BMP7: variants seen among roughly 807,000 people sequenced by gnomAD.
The protein encoded by BMP7 is bone morphogenetic protein 7.
BMP7 carries 12 observed loss-of-function variants against 41.2 expected under a neutral mutation model. The ratio of observed to expected loss-of-function variants is 0.29; its 90% CI spans 0.19 to 0.47. The LOEUF is 0.47. Ranked by LOEUF, BMP7 falls within the 20% of genes least tolerant of loss-of-function variation. BMP7 has a pLI of 0.99. For synonymous variants in BMP7, 248 were observed against 250.0 expected (o/e 0.99, Z 0.07); for missense variants, 467 against 606.0 (o/e 0.77, Z 2.41).
Position 57,170,761 on chromosome 20 carries a change from G to T in BMP7, c.*198C>A. 1 of 686,476 alleles carries T rather than the reference G, an allele frequency of 1.5e-6. No homozygotes were observed. The highest frequency in any genetic ancestry group is 2.5e-6 in the Non-Finnish European group (1 of 407,824). 42.5% of individuals were successfully genotyped at this position (686,476 alleles called of 1,614,324 possible). On this transcript the variant is annotated 3_prime_UTR_variant, in exon 7 of 7. Transcript: ENST00000395863. ...TTGCCTGCACAGCTTGTAGGATCTT[G>T]TTCATTGGATGCTGCCACTGAAAAA...
Position 57,202,526 on chromosome 20 carries a change from C to A in BMP7, c.709G>T (p.Val237Phe). The A allele has an allele frequency of 6.2e-7, 1 of 1,610,696 alleles. No homozygotes were observed. Among genetic ancestry groups the A allele is most frequent in the African/African-American group, 1.3e-5 (1 of 74,946 alleles). The change falls in exon 3 of 7, where the codon GTC (valine) becomes TTC (phenylalanine). Residue 237 changes from valine (V) to phenylalanine (F), a missense_variant. By Grantham distance (50) the Val-to-Phe change is conservative (BLOSUM62 -1). Coordinates refer to ENST00000395863, the MANE Select transcript of BMP7 (RefSeq NM_001719.3). ...DITATSNHWVVNPRHNLGLQL... is the reference protein window; with the variant it reads ...DITATSNHWVFNPRHNLGLQL... ...AGGCCCAGGTTGTGCCGCGGATTGA[C>A]CACCCAGTGGTTGCTGGTGGCTGTG...
At chr20:57,250,005 G>C (rs1414754153) in intron 1 of BMP7, among the ~76,000 whole-genome samples, 1 of 152,178 alleles carries the variant, frequency 6.6e-6, no homozygotes, top group Non-Finnish European at 1.5e-5. Flanking sequence ...TGGACCCAAA[G>C]ACAGACAGAC....
chr20:57,256,819 C>T (rs973329009), intron 1 of BMP7, among the ~76,000 whole-genome samples: 17 of 151,854 alleles, frequency 1.1e-4, no homozygotes, highest in South Asian at 4.2e-4. Flanking sequence ...ACCCAGAAGG[C>T]GGAGGTTGCA....
chr20:57,255,965 G>C (rs2066132884), intron 1 of BMP7, among the ~76,000 whole-genome samples: 1 of 152,176 alleles, frequency 6.6e-6, no homozygotes, highest in South Asian at 2.1e-4. Flanking sequence ...CAGGAGCAGA[G>C]TAATGCTTCT....
At chr20:57,236,612 G>A (rs977452164) in intron 1 of BMP7, among the ~76,000 whole-genome samples, 16 of 152,134 alleles carry the variant, frequency 1.1e-4, no homozygotes, top group Admixed American at 9.2e-4. Context: ...GGAAGGGAAG[G>A]ACCAGAGGAC....
chr20:57,255,758 C>T (rs1463381447), intron 1 of BMP7, among the ~76,000 whole-genome samples: 2 of 131,236 alleles, frequency 1.5e-5, no homozygotes, highest in African/African-American at 3.0e-5. Context: ...GGAGATCATG[C>T]CACTACACTC....
chr20:57,247,942 C>T (rs904659707), intron 1 of BMP7, among the ~76,000 whole-genome samples: 3 of 152,132 alleles, frequency 2.0e-5, no homozygotes, highest in Non-Finnish European at 4.4e-5. Context: ...TAAAACAAAG[C>T]TTGTTTTCAG....
At chr20:57,260,126 G>A (rs371628302) in intron 1 of BMP7, among the ~76,000 whole-genome samples, 1 of 152,084 alleles carries the variant, frequency 6.6e-6, no homozygotes, top group Non-Finnish European at 1.5e-5. Flanking sequence ...ATAAAGCACC[G>A]TGCCTTGAGC....
chr20:57,216,249 G>A (rs924467142), intron 2 of BMP7, among the ~76,000 whole-genome samples: 22 of 152,110 alleles, frequency 1.4e-4, no homozygotes, highest in African/African-American at 5.3e-4. Context: ...AAGCCCTCCC[G>A]GCTGCCCTGT....
rs574072714 is a variant in BMP7 at position 57,259,203 on chromosome 20, A to C, written c.418+6502T>G. Among the ~76,000 whole-genome samples, 1 of 152,166 alleles carries C rather than the reference A, an allele frequency of 6.6e-6. No homozygotes were observed. Among genetic ancestry groups the C allele is most frequent in the South Asian group, 2.1e-4 (1 of 4,806 alleles). On this transcript the variant is annotated intron_variant, in intron 1 of 6. Transcript: ENST00000395863. This position sits in a 1 kb window ranked among gnomAD's most constrained non-coding sequence, Gnocchi z 4.7. ...GAGAACTTCCGTTACACGGCAGTGA[A>C]GCCCCCAATCCCCCACCCCATATAT...
In BMP7 at chr20:57,228,116, A is replaced by T; in HGVS notation, c.611+113T>A. On this transcript the variant is annotated intron_variant, in intron 2 of 6. Coordinates refer to ENST00000395863, the MANE Select transcript of BMP7 (RefSeq NM_001719.3). This position sits in a 1 kb window ranked among gnomAD's most constrained non-coding sequence, Gnocchi z 4.5. ...TTCTTTAGAAGGGATAATCTGGTACAGGGCCTGGCACGTGGTTGTGCCAAT... is the reference window on the plus strand; with the variant it reads ...TTCTTTAGAAGGGATAATCTGGTACTGGGCCTGGCACGTGGTTGTGCCAAT... The T allele has an allele frequency of 8.5e-7, 1 of 1,180,760 alleles. No homozygotes were observed. Among genetic ancestry groups the T allele is most frequent in the Non-Finnish European group, 1.3e-6 (1 of 790,294 alleles). 73.1% of individuals were successfully genotyped at this position (1,180,760 alleles called of 1,614,324 possible).
At chr20:57,226,401 C>A (rs2066006298) in intron 2 of BMP7, among the ~76,000 whole-genome samples, 1 of 152,248 alleles carries the variant, frequency 6.6e-6, no homozygotes, top group Non-Finnish European at 1.5e-5. Context: ...GGCCCTCTGA[C>A]CCCACAATTC....
At position 57,205,930 on chromosome 20, in the gene BMP7, C is replaced by T. The variant is rs567165949; in HGVS notation, c.612-3307G>A. Among the ~76,000 whole-genome samples, 9 of 152,242 alleles carry T rather than the reference C, an allele frequency of 5.9e-5. No homozygotes were observed. The South Asian group carries it at 1.0e-3, about 18-fold the overall frequency. Reference sequence around the variant, plus strand: ...ATCTTCATCAGAAGGCACTGGGAGACGGGAGCCTTGCTGAGATGGGTCGAG... The same window carrying T: ...ATCTTCATCAGAAGGCACTGGGAGATGGGAGCCTTGCTGAGATGGGTCGAG... On this transcript the variant is annotated intron_variant, in intron 2 of 6. Coordinates refer to ENST00000395863, the MANE Select transcript of BMP7 (RefSeq NM_001719.3).
chr20:57,183,758 T>C lies in BMP7; in HGVS notation c.922A>G (p.Lys308Glu). Residue 308 changes from lysine to glutamate, a missense_variant, in exon 4 of 7, where the codon AAG (lysine) becomes GAG (glutamate). Lys to Glu is a moderately conservative substitution (Grantham distance 56). Transcript: ENST00000395863. ...QRSQNRSKTP[K>E]NQEALRMANV... ...GCCATCCGCAGGGCTTCCTGGTTCT[T>C]GGGCGTCTTGGAGCGGTTCTGGCTG... 1 of 1,614,220 alleles carries C rather than the reference T, an allele frequency of 6.2e-7. No homozygotes were observed. Among genetic ancestry groups the C allele is most frequent in the Non-Finnish European group, 8.5e-7 (1 of 1,180,046 alleles).
chr20:57,243,315 C>G (rs2066077190), intron 1 of BMP7, among the ~76,000 whole-genome samples: 1 of 151,988 alleles, frequency 6.6e-6, no homozygotes, highest in Non-Finnish European at 1.5e-5. Context: ...CCTGTCTCTA[C>G]TAAAAATACA....
At chr20:57,193,819 G>C (rs952868919) in intron 3 of BMP7, among the ~76,000 whole-genome samples, 4 of 152,202 alleles carry the variant, frequency 2.6e-5, no homozygotes, top group Non-Finnish European at 5.9e-5. Context: ...TTTGCACGCT[G>C]TAGGCGCCCT....
Position 57,183,828 on chromosome 20 carries a change from C to T in BMP7, c.852G>A (p.Thr284=), listed in dbSNP as rs147083949. Residue 284 remains threonine, a synonymous_variant, in exon 4 of 7, where the codon ACG becomes ACA. Transcript: ENST00000395863. ...QPFMVAFFKA[T]EVHFRSIRST... ...ACCGGATGCTGCGGAAGTGGACCTC[C>T]GTGGCCTTGAAGAAAGCCACCATGA... 6.2e-5 allele frequency: 100 copies of T among 1,614,068 alleles called. No homozygotes were observed. Among genetic ancestry groups the T allele is most frequent in the African/African-American group, 2.1e-4 (16 of 74,934 alleles).
intron 1 of BMP7, among the ~76,000 whole-genome samples, chr20:57,241,041 C>T (rs975247450): frequency 7.9e-5 from 12 of 152,174 alleles, no homozygotes; most frequent in African/African-American, 2.9e-4. Flanking sequence ...TATGAAAACC[C>T]CTCTCAGAGG....
Position 57,183,892 on chromosome 20 carries a change from C to A in BMP7, c.788G>T (p.Gly263Val), listed in dbSNP as rs1984148812. 1 of 1,613,900 alleles carries A rather than the reference C, an allele frequency of 6.2e-7. No individual in the cohort carries two copies. The highest frequency in any genetic ancestry group is 1.7e-5 in the Admixed American group (1 of 60,010). The change falls in exon 4 of 7, where the codon GGC (glycine) becomes GTC (valine). Residue 263 changes from glycine (G) to valine (V), a missense_variant. Gly to Val is a moderately radical substitution (Grantham distance 109). This residue lies in a region of BMP7 where 407 missense variants were observed against 485.9 expected (regional missense o/e 0.84). Transcript: ENST00000395863. ...DGQSINPKLA[G>V]LIGRHGPQNK... ...CTGGGGCCCGTGCCGCCCAATCAGG[C>A]CCGCCAACTTGGGGTTGATGCTCTG...
Sources: gnomAD v4.1 joint callset for allele counts (sites outside exome capture counted in the v4.1 genomes callset) on GRCh38, gnomAD v4.1.1 for gene constraint, gnomAD v4.1.1 regional missense constraint, Gnocchi (gnomAD v3.1) non-coding constraint, MANE v1.5 for transcripts, NCBI Gene and HGNC (gene_info 2026-07-23, HGNC 2026-07-21) for gene names.